The following PCDHGA4 variants were observed in gnomAD, a reference collection of about 807,000 sequenced individuals.
PCDHGA4 encodes protocadherin gamma-A4.
In PCDHGA4, 38 loss-of-function variants were observed where a neutral mutation model predicts 54.6. The observed-to-expected ratio is 0.70, with a 90% CI of 0.54 to 0.91. The LOEUF (loss-of-function observed/expected upper bound fraction) is 0.91. PCDHGA4 is among the 40% of genes least tolerant of loss of function. The pLI is 0.00. For synonymous variants in PCDHGA4, 511 were observed against 512.9 expected (o/e 1.00, Z 0.05); for missense variants, 1,298 against 1,220.9 (o/e 1.06, Z -0.94).
chr5:141,421,905 A>C, intron 1 of PCDHGA4: 1 of 1,613,752 alleles, frequency 6.2e-7, no homozygotes, highest in Non-Finnish European at 8.5e-7. Context: ...GAAAGGGCGC[A>C]GTTCCCATTC....
chr5:141,428,561 A>G (rs879118525), intron 1 of PCDHGA4: 16 of 238,202 alleles, frequency 6.7e-5, no homozygotes, highest in South Asian at 5.9e-4. Context: ...GTCCCCCCAC[A>G]AGATCTTTCT....
At chr5:141,385,137 G>A in intron 1 of PCDHGA4, 1 of 1,614,232 alleles carries the variant, frequency 6.2e-7, no homozygotes, top group Non-Finnish European at 8.5e-7. Context: ...TGGACGGGGT[G>A]CAGGCTTTCC....
At chr5:141,411,895 A>G (rs945335839) in intron 1 of PCDHGA4, 1 of 152,254 alleles carries the variant, frequency 6.6e-6, no homozygotes, top group Non-Finnish European at 1.5e-5. Context: ...TAAATGAAAT[A>G]CTATTGCCTT....
intron 1 of PCDHGA4, chr5:141,395,524 T>G (rs1312171320): frequency 5.1e-6 from 2 of 392,258 alleles, no homozygotes; most frequent in Non-Finnish European, 9.1e-6. Flanking sequence ...CCGTCCATAC[T>G]GGTAATTTTG....
intron 1 of PCDHGA4, chr5:141,374,690 G>A (rs758543198): frequency 6.2e-7 from 1 of 1,609,720 alleles, no homozygotes; most frequent in Non-Finnish European, 8.5e-7. Flanking sequence ...ACTGGACCGG[G>A]AAGGAGAAGC....
Position 141,489,714 on chromosome 5 carries a change from G to C in PCDHGA4, c.2515-5093G>C, listed in dbSNP as rs770143357. On this transcript the variant is annotated intron_variant, in intron 1 of 3. Coordinates refer to ENST00000571252, the MANE Select transcript of PCDHGA4 (RefSeq NM_018917.4). The surrounding 1 kb of genome is among the most constrained non-coding windows in gnomAD (Gnocchi z 4.5). Reference sequence around the variant, plus strand: ...CACGATTCCCACTGGACAGTGCCCAGGATCCGGATGTGGGCACCAATACTG... The same window carrying C: ...CACGATTCCCACTGGACAGTGCCCACGATCCGGATGTGGGCACCAATACTG... 7.4e-6 allele frequency: 12 copies of C among 1,613,958 alleles called. No individual in the cohort carries two copies. The highest frequency in any genetic ancestry group is 1.0e-5 in the Non-Finnish European group (12 of 1,179,930).
chr5:141,511,007 G>A lies in PCDHGA4; in HGVS notation c.2723G>A (p.Arg908His), dbSNP rs780918754. The change falls in exon 4 of 4, where the codon CGC becomes CAC. Residue 908 changes from arginine to histidine, a missense_variant. Physicochemically the swap from Arg to His is conservative, Grantham distance 29 (BLOSUM62 0). Transcript: ENST00000571252. ...GCCGGCACCATGGGATTGAGCGCCC[G>A]CTACGGACCCCAGTTCACCCTGCAG... is the stretch of plus-strand genomic sequence containing the variant. ...GGAGTMGLSA[R>H]YGPQFTLQHV... 1.9e-6 allele frequency: 3 copies of A among 1,614,158 alleles called. No individual in the cohort carries two copies. Among genetic ancestry groups the A allele is most frequent in the East Asian group, 4.5e-5 (2 of 44,890 alleles).
Position 141,489,791 on chromosome 5 carries a change from C to G in PCDHGA4, c.2515-5016C>G. ...AGCCACTTCTCTCTGAATGTGAAGA[C>G]CCTAAAAGATGGGAAGCCATTCCCA... On this transcript the variant is annotated intron_variant, in intron 1 of 3. Transcript: ENST00000571252. The surrounding 1 kb of genome is among the most constrained non-coding windows in gnomAD (Gnocchi z 4.5). 2 of 1,614,174 alleles carry G rather than the reference C, an allele frequency of 1.2e-6. No individual in the cohort carries two copies. The highest frequency in any genetic ancestry group is 1.7e-6 in the Non-Finnish European group (2 of 1,180,002).
At chr5:141,447,370 C>A (rs2098536615) in intron 1 of PCDHGA4, among the ~76,000 whole-genome samples, 1 of 151,612 alleles carries the variant, frequency 6.6e-6, no homozygotes, top group African/African-American at 2.4e-5. Context: ...AACTCCTGAC[C>A]CTGGTGATCT....
chr5:141,359,987 G>A (rs1225240319), intron 1 of PCDHGA4: 1 of 925,904 alleles, frequency 1.1e-6, no homozygotes, highest in Admixed American at 3.4e-5. Context: ...TCTTAGAGGG[G>A]AACTTCCTGC....
chr5:141,415,375 G>A (rs1453832867), intron 1 of PCDHGA4: 12 of 1,614,258 alleles, frequency 7.4e-6, no homozygotes, highest in South Asian at 1.1e-5. Context: ...GGCTTCAGGA[G>A]GCGGCTTGAC....
rs779642478 is a variant in PCDHGA4 at position 141,356,659 on chromosome 5, A to T, written c.1552A>T (p.Ile518Phe). ...QDPDSGDNAR[I>F]TYSLAEDTFQ... Reference sequence around the variant, plus strand: ...CCCTGACAGTGGTGACAATGCCCGAATCACTTACTCCCTGGCCGAAGACAC... The same window carrying T: ...CCCTGACAGTGGTGACAATGCCCGATTCACTTACTCCCTGGCCGAAGACAC... Residue 518 changes from isoleucine to phenylalanine, a missense_variant, in exon 1 of 4, where the codon ATC (isoleucine) becomes TTC (phenylalanine). Transcript: ENST00000571252. 13 of 1,613,932 alleles carry T rather than the reference A, an allele frequency of 8.1e-6. No homozygotes were observed. Among genetic ancestry groups the T allele is most frequent in the Non-Finnish European group, 1.0e-5 (12 of 1,179,944 alleles).
rs201073884 is a variant in PCDHGA4 at position 141,486,264 on chromosome 5, A to C, written c.2515-8543A>C. On this transcript the variant is annotated intron_variant, in intron 1 of 3. Coordinates refer to ENST00000571252, the MANE Select transcript of PCDHGA4 (RefSeq NM_018917.4). This position sits in a 1 kb window ranked among gnomAD's most constrained non-coding sequence, Gnocchi z 5.0. The stretch of plus-strand genomic sequence containing the variant: ...CTTGGAACCCTCCCCGAGAGTGCAG[A>C]ACCTGGCACTGTGGTGGCACTTATC... 8 of 1,614,032 alleles carry C rather than the reference A, an allele frequency of 5.0e-6. No individual in the cohort carries two copies. The East Asian group carries it at 1.6e-4, about 31-fold the overall frequency.
chr5:141,382,893 G>A (rs1778536520), intron 1 of PCDHGA4: 1 of 1,534,786 alleles, frequency 6.5e-7, no homozygotes, highest in African/African-American at 1.4e-5. Flanking sequence ...AGAGAAGCAG[G>A]ACGACTATGG....
chr5:141,356,151 A>G lies in PCDHGA4; in HGVS notation c.1044A>G (p.Ile348Met). ...ATGAGGACTCTGGATTCTATGACAT[A>G]GATGTAGAAGCCCATGATGGGCCTG... ...LDYEDSGFYD[I>M]DVEAHDGPGL... is the part of the protein sequence containing the mutation. The change falls in exon 1 of 4, where the codon ATA becomes ATG. Residue 348 changes from isoleucine (I) to methionine (M), a missense_variant. Ile to Met is a conservative substitution (Grantham distance 10). Transcript: ENST00000571252. The G allele has an allele frequency of 6.2e-7, 1 of 1,613,466 alleles. No individual in the cohort carries two copies. The highest frequency in any genetic ancestry group is 8.5e-7 in the Non-Finnish European group (1 of 1,179,624).
chr5:141,366,091 G>A (rs756134424), intron 1 of PCDHGA4: 3 of 1,614,130 alleles, frequency 1.9e-6, no homozygotes, highest in Non-Finnish European at 2.5e-6. Flanking sequence ...CTGGCTACCT[G>A]GTGACCAAGG....
At chr5:141,488,208 C>T (rs2099672939) in intron 1 of PCDHGA4, among the ~76,000 whole-genome samples, 1 of 152,152 alleles carries the variant, frequency 6.6e-6, no homozygotes, top group African/African-American at 2.4e-5. Flanking sequence ...GGACTCATAT[C>T]AAGTCCCTAC....
chr5:141,367,688 C>G (rs1765290329), intron 1 of PCDHGA4: 1 of 152,096 alleles, frequency 6.6e-6, no homozygotes, highest in Admixed American at 6.5e-5. Flanking sequence ...GAGAAGAAAT[C>G]AGTGTAAAGG....
At chr5:141,430,383 G>A (rs527531595) in intron 1 of PCDHGA4, among the ~76,000 whole-genome samples, 74 of 138,604 alleles carry the variant, frequency 5.3e-4, no homozygotes, top group Admixed American at 8.6e-4. Flanking sequence ...AGCTCATTGG[G>A]AAAAAAAAAA....
Sources: allele counts gnomAD v4.1 joint callset (sites outside exome capture counted in the v4.1 genomes callset), GRCh38; gene constraint gnomAD v4.1.1; non-coding constraint Gnocchi (gnomAD v3.1); transcripts MANE v1.5; gene names NCBI Gene and HGNC (gene_info 2026-07-23, HGNC 2026-07-21).